PIK3AP1: variants seen among roughly 807,000 people sequenced by gnomAD.
The protein encoded by PIK3AP1 is phosphoinositide-3-kinase adaptor protein 1, also known as phosphoinositide 3-kinase adapter protein 1.
A neutral mutation model predicts 88.1 loss-of-function variants in PIK3AP1; 21 were observed. The ratio of observed to expected loss-of-function variants is 0.24; its 90% confidence interval spans 0.17 to 0.34. PIK3AP1 has a LOEUF of 0.34. Ranked by LOEUF, PIK3AP1 falls within the 10% of genes least tolerant of loss-of-function variation. The pLI is 1.00. For synonymous variants in PIK3AP1, 398 were observed against 400.0 expected (o/e 1.00, Z 0.06); for missense variants, 828 against 1,035.7 (o/e 0.80, Z 2.75).
At chr10:96,635,030 C>T (rs903682341) in intron 8 of PIK3AP1, among the ~76,000 whole-genome samples, 1 of 152,220 alleles carries the variant, frequency 6.6e-6, no homozygotes, top group Non-Finnish European at 1.5e-5. Flanking sequence ...TTTTCTGACG[C>T]CCTCTTCCAC....
intron 2 of PIK3AP1, among the ~76,000 whole-genome samples, chr10:96,657,647 G>T (rs1301190720): frequency 7.0e-6 from 1 of 143,550 alleles, no homozygotes; most frequent in Non-Finnish European, 1.5e-5. Flanking sequence ...CTCTGAGGTT[G>T]TGTGCAAGAT....
chr10:96,698,901 G>A (rs755060537), intron 2 of PIK3AP1, among the ~76,000 whole-genome samples: 23 of 152,074 alleles, frequency 1.5e-4, no homozygotes, highest in African/African-American at 2.9e-4. Flanking sequence ...TATTAGGCCC[G>A]GCGTAGTGGC....
At chr10:96,673,686 T>C (rs746980718) in intron 2 of PIK3AP1, among the ~76,000 whole-genome samples, 26 of 152,180 alleles carry the variant, frequency 1.7e-4, no homozygotes, top group Non-Finnish European at 2.4e-4. Flanking sequence ...CAGACACTGA[T>C]GTCTGGATTT....
intron 13 of PIK3AP1, among the ~76,000 whole-genome samples, chr10:96,611,794 C>T (rs1425204496): frequency 6.6e-6 from 1 of 152,036 alleles, no homozygotes; most frequent in Non-Finnish European, 1.5e-5. Context: ...AGGGAGATTC[C>T]GGTCTGCTTA....
chr10:96,596,164 G>C (rs1191330364), intron 16 of PIK3AP1, among the ~76,000 whole-genome samples: 2 of 152,148 alleles, frequency 1.3e-5, no homozygotes, highest in African/African-American at 4.8e-5. Context: ...ACTTTATGGG[G>C]CCACCATCCA....
rs1222037073 is a variant in PIK3AP1, at chr10:96,599,398, G to C, written c.2360+2882C>G. On this transcript the variant is annotated intron_variant, in intron 16 of 16. Transcript: ENST00000339364. ...CCCAGTCAACTGCAGGAAAGAGAAGGCTGAGATGGAGATGGAGACTTGGGG... is the reference window on the plus strand; with the variant it reads ...CCCAGTCAACTGCAGGAAAGAGAAGCCTGAGATGGAGATGGAGACTTGGGG... Among the ~76,000 whole-genome samples the C allele has an allele frequency of 2.0e-5, 3 of 152,148 alleles. No homozygotes were observed. The East Asian group carries it at 5.8e-4, about 29-fold the overall frequency.
intron 8 of PIK3AP1, among the ~76,000 whole-genome samples, chr10:96,628,875 CAT>C (rs1843191522): frequency 2.2e-5 from 2 of 90,910 alleles, no homozygotes; most frequent in African/African-American, 8.7e-5. Flanking sequence ...CATATATACA[CAT>C]ATATATATAT....
At chr10:96,698,766 T>TA (rs1043840577) in intron 2 of PIK3AP1, among the ~76,000 whole-genome samples, 2 of 151,812 alleles carry the variant, frequency 1.3e-5, no homozygotes, top group Non-Finnish European at 2.9e-5. Context: ...GTAAAATAAA[T>TA]AAAGCAGTGT....
In PIK3AP1 at chr10:96,689,470, C is replaced by T. The variant is rs544375957; in HGVS notation, c.430+20097G>A. ...CTGTAGTCCCAGCTACTCAGGAGGC[C>T]GAGGCAGGAGAATGGCGTGAACCCA... On this transcript the variant is annotated intron_variant, in intron 2 of 16. Coordinates refer to ENST00000339364, the MANE Select transcript of PIK3AP1 (RefSeq NM_152309.3). 4.5e-3 allele frequency among the ~76,000 whole-genome samples: 673 copies of T among 149,350 alleles called. 3 individuals are homozygous for T. Among genetic ancestry groups the T allele is most frequent in the African/African-American group, 0.016 (645 of 40,482 alleles).
At chr10:96,634,895 C>T (rs1441468920) in intron 8 of PIK3AP1, among the ~76,000 whole-genome samples, 2 of 152,124 alleles carry the variant, frequency 1.3e-5, no homozygotes, top group African/African-American at 4.8e-5. Flanking sequence ...TTGTCCTTTC[C>T]AGACTCTAGA....
chr10:96,628,889 C>CATATACATATACATAT (rs1554955371), intron 8 of PIK3AP1, among the ~76,000 whole-genome samples: 8 of 60,842 alleles, frequency 1.3e-4, no homozygotes, highest in Non-Finnish European at 1.9e-4. Context: ...TATATATATA[C>CATATACATATACATAT]ATATATATAT....
rs1427951982 is a variant in PIK3AP1, at chr10:96,594,810, T to C, written c.*767A>G. On this transcript the variant is annotated 3_prime_UTR_variant, in exon 17 of 17. Transcript: ENST00000339364. This position sits in a 1 kb window ranked among gnomAD's most constrained non-coding sequence, Gnocchi z 4.6. ...ACTTGGTAGTCTCATGCCTGGGAGA[T>C]ACGGAAGATGGAAAATTCTGGAAGA... The C allele has an allele frequency of 6.6e-6, 1 of 152,160 alleles. No homozygotes were observed. Among genetic ancestry groups the C allele is most frequent in the Non-Finnish European group, 1.5e-5 (1 of 68,038 alleles). 9.4% of individuals were successfully genotyped at this position (152,160 alleles called of 1,614,324 possible).
At position 96,654,305 on chromosome 10, in the gene PIK3AP1, T is replaced by C. The variant is rs115108220; in HGVS notation, c.568-1463A>G. On this transcript the variant is annotated intron_variant, in intron 3 of 16. Coordinates refer to ENST00000339364, the MANE Select transcript of PIK3AP1 (RefSeq NM_152309.3). The stretch of plus-strand genomic sequence containing the variant: ...AGTCTGAACTGGTGAGGGCAGGCTC[T>C]CCAAAAAACATGGGGAAAGGAGAGA... Among the ~76,000 whole-genome samples, 312 of 152,124 alleles carry C rather than the reference T, an allele frequency of 2.1e-3. 1 individual carries two copies. Among genetic ancestry groups the C allele is most frequent in the African/African-American group, 6.9e-3 (287 of 41,504 alleles).
intron 8 of PIK3AP1, among the ~76,000 whole-genome samples, chr10:96,631,082 C>G (rs1308443781): frequency 2.0e-5 from 3 of 152,176 alleles, no homozygotes; most frequent in African/African-American, 7.2e-5. Context: ...GGAAGACATG[C>G]TCGGGTCAGA....
chr10:96,710,107 TCCAGCACA>T (rs1452239018), intron 1 of PIK3AP1, 124 bp from the exon 2 acceptor site: 3 of 873,964 alleles, frequency 3.4e-6, no homozygotes, highest in Non-Finnish European at 5.2e-6. Flanking sequence ...GTGGTGTGCC[TCCAGCACA>T]CCAGCACACC....
intron 4 of PIK3AP1, 92 bp downstream of exon 4, chr10:96,652,606 A>G: frequency 4.1e-6 from 6 of 1,461,188 alleles, no homozygotes; most frequent in Non-Finnish European, 5.7e-6. Context: ...AACATATTTA[A>G]GATGATAATA....
chr10:96,666,042 T>C (rs1843756107), intron 2 of PIK3AP1, among the ~76,000 whole-genome samples: 1 of 152,238 alleles, frequency 6.6e-6, no homozygotes, highest in Non-Finnish European at 1.5e-5. Context: ...TGTGTCTTGT[T>C]CATTTGTTTT....
In PIK3AP1 at chr10:96,609,723, G is replaced by T; in HGVS notation, c.2159C>A (p.Ser720Tyr). The T allele has an allele frequency of 6.2e-7, 1 of 1,613,968 alleles. No individual in the cohort carries two copies. The highest frequency in any genetic ancestry group is 8.5e-7 in the Non-Finnish European group (1 of 1,179,938). ...CCCCAGCTGCTCACTTGCTGTGCTG[G>T]AGGTGCTGTCTGTTTTCCAGTCTCC... ...RRGDWKTDST[S>Y]STASSTSNRS... Residue 720 changes from serine (S) to tyrosine (Y), a missense_variant, in exon 14 of 17, where the codon TCC becomes TAC. Coordinates refer to ENST00000339364, the MANE Select transcript of PIK3AP1 (RefSeq NM_152309.3).
intron 2 of PIK3AP1, chr10:96,700,899 C>T (rs1365980745): frequency 2.7e-5 from 27 of 985,216 alleles, no homozygotes; most frequent in African/African-American, 7.0e-5. Context: ...CTGCCTGTGA[C>T]GCGCCAAGGC....
Sources: gnomAD v4.1 joint callset for allele counts (sites outside exome capture counted in the v4.1 genomes callset) on GRCh38, gnomAD v4.1.1 for gene constraint, Gnocchi (gnomAD v3.1) non-coding constraint, MANE v1.5 for transcripts, NCBI Gene and HGNC (gene_info 2026-07-23, HGNC 2026-07-21) for gene names.